PLCB1: variants seen among roughly 807,000 people sequenced by gnomAD.
The protein encoded by PLCB1 is 1-phosphatidylinositol 4,5-bisphosphate phosphodiesterase beta-1.
In PLCB1, 46 loss-of-function variants were observed where a neutral mutation model predicts 161.8. The observed-to-expected ratio is 0.28, with a 90% confidence interval of 0.22 to 0.36. The LOEUF (loss-of-function observed/expected upper bound fraction) is 0.36, where lower values mean the gene tolerates loss of function less well. Among genes scored for constraint, PLCB1 ranks in the 10% least tolerant of loss-of-function variants. The probability of loss-of-function intolerance (pLI) is 1.00; values close to 1 mark genes in which losing one functional copy is unlikely to be tolerated. For missense variants in PLCB1, 1,016 were observed against 1,472.5 expected, an observed-to-expected ratio of 0.69 and a Z score of 5.07; for synonymous variants, 517 against 503.7, an observed-to-expected ratio of 1.03 and a Z score of -0.35.
intron 3 of PLCB1, chr20:8,623,835 C>A (rs1470173742): frequency 6.6e-6 from 1 of 152,124 alleles, no homozygotes; most frequent in Non-Finnish European, 1.5e-5. Context: ...CTGTGTGAGC[C>A]GCCTAAGCCA....
At chr20:8,611,877 TAGAGTCTA>T (rs1488022259) in intron 3 of PLCB1, among the ~76,000 whole-genome samples, 1 of 152,098 alleles carries the variant, frequency 6.6e-6, no homozygotes, top group Non-Finnish European at 1.5e-5. Flanking sequence ...GCCCGGGGGA[TAGAGTCTA>T]CAGTGAGCTG....
At chr20:8,173,029 G>A (rs2051748228) in intron 2 of PLCB1, among the ~76,000 whole-genome samples, 1 of 152,148 alleles carries the variant, frequency 6.6e-6, no homozygotes. Flanking sequence ...ATTCAGTTAT[G>A]GCTAGCCATA....
intron 2 of PLCB1, among the ~76,000 whole-genome samples, chr20:8,295,787 G>C (rs770884705): frequency 2.6e-5 from 4 of 152,082 alleles, no homozygotes; most frequent in Non-Finnish European, 5.9e-5. Context: ...ATACCTCACT[G>C]TAGTTTTGAC....
At chr20:8,280,259 CT>C (rs1356436894) in intron 2 of PLCB1, among the ~76,000 whole-genome samples, 2 of 151,576 alleles carry the variant, frequency 1.3e-5, no homozygotes, top group African/African-American at 4.9e-5. Context: ...TTGCTTGAAC[CT>C]GGAGGCAGAG....
At chr20:8,147,824 A>G (rs183013896) in intron 1 of PLCB1, among the ~76,000 whole-genome samples, 1 of 152,238 alleles carries the variant, frequency 6.6e-6, no homozygotes, top group African/African-American at 2.4e-5. Flanking sequence ...AGTATCTGAA[A>G]CAAACTAGGC....
At chr20:8,354,934 A>G (rs1318547095) in intron 2 of PLCB1, among the ~76,000 whole-genome samples, 1 of 152,160 alleles carries the variant, frequency 6.6e-6, no homozygotes, top group Non-Finnish European at 1.5e-5. Context: ...CTGATCCTAC[A>G]TATATTAGAG....
chr20:8,528,507 A>G (rs1167471334), intron 3 of PLCB1, among the ~76,000 whole-genome samples: 1 of 152,074 alleles, frequency 6.6e-6, no homozygotes, highest in Admixed American at 6.6e-5. Context: ...GGTGACAGAT[A>G]TTAGAACAGT....
intron 3 of PLCB1, among the ~76,000 whole-genome samples, chr20:8,565,493 T>C (rs901620397): frequency 6.6e-6 from 1 of 151,462 alleles, no homozygotes; most frequent in Non-Finnish European, 1.5e-5. Context: ...ACTTAAAGTA[T>C]AATAAACTTT....
In PLCB1 at chr20:8,882,579, A is replaced by C. The variant is rs1988034321; in HGVS notation, c.*730A>C. On this transcript the variant is annotated 3_prime_UTR_variant, in exon 32 of 32. Coordinates refer to ENST00000338037, the MANE Select transcript of PLCB1 (RefSeq NM_015192.4). ...GAGCAAGTCGGCCGCACACTTCCAG[A>C]CAGTGTGCTGTTTGAATTGACTATT... is the stretch of plus-strand genomic sequence containing the variant. 1 of 152,652 alleles carries C rather than the reference A, an allele frequency of 6.6e-6. No homozygotes were observed. Among genetic ancestry groups the C allele is most frequent in the Admixed American group, 6.5e-5 (1 of 15,282 alleles). The allele number at this position is 152,652 out of a possible 1,614,324, so 9.5% of individuals were successfully genotyped here.
At chr20:8,627,416 A>G (rs1280952858) in intron 3 of PLCB1, among the ~76,000 whole-genome samples, 1 of 152,172 alleles carries the variant, frequency 6.6e-6, no homozygotes, top group Non-Finnish European at 1.5e-5. Flanking sequence ...AGTAATCAGG[A>G]CCTGTTGGCC....
At chr20:8,739,503 A>G (rs776542998) in intron 21 of PLCB1, 143 bp downstream of exon 21, 10 of 621,336 alleles carry the variant, frequency 1.6e-5, no homozygotes, top group Middle Eastern at 3.2e-4. Flanking sequence ...ATTTAGTTAC[A>G]TGTTTTTGTG....
chr20:8,442,484 C>G (rs1171009410), intron 3 of PLCB1, among the ~76,000 whole-genome samples: 1 of 152,130 alleles, frequency 6.6e-6, no homozygotes, highest in African/African-American at 2.4e-5. Context: ...AAGGTTCTAC[C>G]TCTTAATACT....
At chr20:8,169,551 CG>C (rs2051711199) in intron 2 of PLCB1, among the ~76,000 whole-genome samples, 1 of 152,004 alleles carries the variant, frequency 6.6e-6, no homozygotes, top group African/African-American at 2.4e-5. Context: ...GACAGGTATT[CG>C]GATACTTCTG....
At chr20:8,700,798 C>T (rs1048398520) in intron 11 of PLCB1, among the ~76,000 whole-genome samples, 4 of 151,462 alleles carry the variant, frequency 2.6e-5, no homozygotes, top group African/African-American at 7.3e-5. Context: ...TTCATCATCC[C>T]AGTTGGTTTT....
intron 31 of PLCB1, chr20:8,831,523 A>G (rs1248273093): frequency 6.6e-6 from 1 of 152,246 alleles, no homozygotes; most frequent in Non-Finnish European, 1.5e-5. Context: ...ACCTCAGGCC[A>G]TACCTTAGAT....
chr20:8,456,024 A>G (rs1032041063), intron 3 of PLCB1, among the ~76,000 whole-genome samples: 2 of 152,238 alleles, frequency 1.3e-5, no homozygotes, highest in African/African-American at 2.4e-5. Flanking sequence ...GGTTTAATCA[A>G]TGACTGATCT....
chr20:8,246,839 G>C (rs571532326), intron 2 of PLCB1, among the ~76,000 whole-genome samples: 1 of 151,800 alleles, frequency 6.6e-6, no homozygotes, highest in African/African-American at 2.4e-5. Context: ...ATGAGGATTT[G>C]CTTCCTCTGA....
intron 2 of PLCB1, among the ~76,000 whole-genome samples, chr20:8,188,544 G>A (rs2051931412): frequency 6.6e-6 from 1 of 152,162 alleles, no homozygotes; most frequent in Non-Finnish European, 1.5e-5. Context: ...TAAAAGAGGA[G>A]CAATGTGGAT....
intron 31 of PLCB1, among the ~76,000 whole-genome samples, chr20:8,796,746 G>A (rs1219786072): frequency 6.6e-6 from 1 of 152,048 alleles, no homozygotes; most frequent in South Asian, 2.1e-4. Flanking sequence ...GCAATACCAG[G>A]GCATTGGAAC....
Sources: allele counts gnomAD v4.1 joint callset (sites outside exome capture counted in the v4.1 genomes callset), GRCh38; gene constraint gnomAD v4.1.1; transcripts MANE v1.5; gene names NCBI Gene and HGNC (gene_info 2026-07-23, HGNC 2026-07-21).